Variants in SP1 observed in about 807,000 individuals in gnomAD.
SP1 encodes Sp1 transcription factor.
Under a neutral mutation model 66.3 loss-of-function variants are expected in SP1, and 6 were observed. The observed-to-expected ratio is 0.09, with a 90% CI of 0.05 to 0.18. The LOEUF is 0.18. Among genes scored for constraint, SP1 ranks in the 10% least tolerant of loss-of-function variants. The pLI is 1.00. For missense variants in SP1, 848 were observed against 964.5 expected, an observed-to-expected ratio of 0.88 and a Z score of 1.60; for synonymous variants, 417 against 360.8, an observed-to-expected ratio of 1.16 and a Z score of -1.77.
chr12:53,389,985 G>A (rs1938313326), intron 3 of SP1, among the ~76,000 whole-genome samples: 1 of 152,196 alleles, frequency 6.6e-6, no homozygotes, highest in Non-Finnish European at 1.5e-5. Flanking sequence ...TCTCTTAGAA[G>A]TTAAGTTGAA....
chr12:53,403,779 TA>T (rs1938665342), intron 3 of SP1, among the ~76,000 whole-genome samples: 1 of 152,088 alleles, frequency 6.6e-6, no homozygotes, highest in South Asian at 2.1e-4. Flanking sequence ...CTAATGTCTA[TA>T]ATCACAACAG....
At chr12:53,392,132 C>G (rs1938367984) in intron 3 of SP1, among the ~76,000 whole-genome samples, 1 of 152,054 alleles carries the variant, frequency 6.6e-6, no homozygotes, top group Admixed American at 6.6e-5. Context: ...ATTATGAATC[C>G]TCCTTCTCAC....
At position 53,383,041 on chromosome 12, in the gene SP1, C is replaced by G; in HGVS notation, c.1094C>G (p.Ser365Cys). Residue 365 changes from serine (S) to cysteine (C), a missense_variant, in exon 3 of 6, where the codon TCT becomes TGT. By Grantham distance (112) the Ser-to-Cys change is moderately radical (BLOSUM62 -1). This residue lies in a region of SP1 where 606 missense variants were observed against 589.9 expected (regional missense o/e 1.03). Coordinates refer to ENST00000327443, the MANE Select transcript of SP1 (RefSeq NM_138473.3). Reference protein sequence around the residue: ...TPQRVSGLQGSDALNIQQNQT... With the variant: ...TPQRVSGLQGCDALNIQQNQT... ...CAGAGGGTCAGTGGGCTACAGGGGT[C>G]TGATGCTCTGAACATCCAGCAAAAC... 8.1e-6 allele frequency: 13 copies of G among 1,614,188 alleles called. No individual in the cohort carries two copies. The highest frequency in any genetic ancestry group is 1.1e-5 in the Non-Finnish European group (13 of 1,180,030).
chr12:53,404,220 T>G (rs1244879490), intron 3 of SP1, among the ~76,000 whole-genome samples: 1 of 150,732 alleles, frequency 6.6e-6, no homozygotes, highest in South Asian at 2.1e-4. Flanking sequence ...TCTGCCACTT[T>G]ATAAGATATT....
chr12:53,382,505 G>C lies in SP1; in HGVS notation c.558G>C (p.Gln186His), dbSNP rs778830897. 19 of 1,614,070 alleles carry C rather than the reference G, an allele frequency of 1.2e-5. No individual in the cohort carries two copies. In the African/African-American group the frequency reaches 2.5e-4, roughly 22 times the overall value. ...AGTTCCAGACCGTTGATGGGCAACA[G>C]CTGCAGTTTGCTGCCACTGGGGCCC... is the stretch of plus-strand genomic sequence containing the variant. ...IPQFQTVDGQQLQFAATGAQV... is the reference protein window; with the variant it reads ...IPQFQTVDGQHLQFAATGAQV... Residue 186 changes from glutamine to histidine, a missense_variant, in exon 3 of 6, where the codon CAG (glutamine) becomes CAC (histidine). Gln to His is a conservative substitution (Grantham distance 24). This residue lies in a region of SP1 where 606 missense variants were observed against 589.9 expected (regional missense o/e 1.03). Coordinates refer to ENST00000327443, the MANE Select transcript of SP1 (RefSeq NM_138473.3).
In SP1 at chr12:53,409,375, C is replaced by A; in HGVS notation, c.1858C>A (p.Pro620Thr). Residue 620 changes from proline to threonine, a missense_variant, in exon 5 of 6, where the codon CCT becomes ACT. Around this residue, in one of 7 missense-constraint regions of SP1, gnomAD observed 18 missense variants for 19.0 expected, o/e 0.95. Coordinates refer to ENST00000327443, the MANE Select transcript of SP1 (RefSeq NM_138473.3). Reference protein sequence around the residue: ...KDSEGRGSGDPGKKKQHICHI... With the variant: ...KDSEGRGSGDTGKKKQHICHI... The stretch of plus-strand genomic sequence containing the variant: ...CCTCACTTTCAGGGGCTCGGGGGAT[C>A]CTGGCAAAAAGAAACAGCATATTTG... The A allele has an allele frequency of 6.2e-7, 1 of 1,613,642 alleles. No homozygotes were observed.
chr12:53,400,570 C>T (rs1045125644), intron 3 of SP1, among the ~76,000 whole-genome samples: 3 of 151,778 alleles, frequency 2.0e-5, no homozygotes, highest in Admixed American at 6.6e-5. Context: ...GTGATGAGTT[C>T]GAGTCTGTAT....
chr12:53,407,985 G>A (rs1299402564), intron 4 of SP1, among the ~76,000 whole-genome samples: 3 of 137,872 alleles, frequency 2.2e-5, no homozygotes, highest in African/African-American at 7.9e-5. Flanking sequence ...GGTGGCTCAC[G>A]CCTGTAATCC....
intron 3 of SP1, among the ~76,000 whole-genome samples, chr12:53,390,552 G>A (rs1938324184): frequency 6.6e-6 from 1 of 152,020 alleles, no homozygotes; most frequent in South Asian, 2.1e-4. Flanking sequence ...GCATGGCGGC[G>A]CGCACCTGTA....
chr12:53,411,254 G>C lies in SP1; in HGVS notation c.*14G>C. The C allele has an allele frequency of 6.2e-7, 1 of 1,601,220 alleles. No individual in the cohort carries two copies. The highest frequency in any genetic ancestry group is 2.2e-5 in the East Asian group (1 of 44,758). On this transcript the variant is annotated 3_prime_UTR_variant, in exon 6 of 6. Transcript: ENST00000327443. ...AATGGCTTCTGAGATCAGGCACCCG[G>C]GGCCAGAGACATATGGGCCATACCC...
intron 5 of SP1, 82 bp downstream of exon 5, chr12:53,409,643 T>C (rs755837447): frequency 3.4e-6 from 4 of 1,160,356 alleles, no homozygotes; most frequent in Non-Finnish European, 3.8e-6. Flanking sequence ...TAACTAAAAT[T>C]TCTGAGCAAC....
chr12:53,384,033 G>T (rs1469866831), intron 3 of SP1, among the ~76,000 whole-genome samples: 1 of 150,444 alleles, frequency 6.6e-6, no homozygotes, highest in Non-Finnish European at 1.5e-5. Context: ...GCAGTGGCGC[G>T]ATCTCGGCTC....
rs956684161 is a variant in SP1, at chr12:53,381,578, C to T, written c.8-81C>T. On this transcript the variant is annotated intron_variant, in intron 1 of 5. Transcript: ENST00000327443. The stretch of plus-strand genomic sequence containing the variant: ...GCCTTCCTGTTAGTCATTGCTATTT[C>T]ATCATAGCCTCCTTTTATCCTTCCT... 3.5e-5 allele frequency: 46 copies of T among 1,312,724 alleles called. No individual in the cohort carries two copies. In the East Asian group the frequency reaches 1.1e-3, roughly 32 times the overall value. 81.3% of individuals were successfully genotyped at this position (1,312,724 alleles called of 1,614,324 possible). A position where few individuals can be genotyped will look rare whatever the true frequency, so the allele number is the denominator to read the frequency against.
intron 1 of SP1, among the ~76,000 whole-genome samples, chr12:53,380,946 C>CTTTTTT (rs35296566): frequency 4.0e-4 from 40 of 100,796 alleles, no homozygotes; most frequent in Middle Eastern, 5.7e-3. Context: ...TTTTGTTTGT[C>CTTTTTT]TTTTTTTTTT....
chr12:53,397,574 T>A (rs975637483), intron 3 of SP1, among the ~76,000 whole-genome samples: 7 of 143,406 alleles, frequency 4.9e-5, no homozygotes, highest in African/African-American at 1.8e-4. Context: ...AAGCGACTCT[T>A]TTTCCTTTTT....
intron 1 of SP1, 27 bp downstream of exon 1, chr12:53,380,325 G>A: frequency 1.3e-6 from 2 of 1,532,628 alleles, no homozygotes; most frequent in Admixed American, 1.9e-5. Context: ...TCCAAGCTTA[G>A]GGGTGGGAGG....
chr12:53,409,853 C>T (rs1447655331), intron 5 of SP1, among the ~76,000 whole-genome samples: 1 of 151,746 alleles, frequency 6.6e-6, no homozygotes, highest in Non-Finnish European at 1.5e-5. Context: ...ACTAAATATA[C>T]AAAAAAATTA....
At chr12:53,392,126 T>C (rs1042202674) in intron 3 of SP1, among the ~76,000 whole-genome samples, 1 of 152,184 alleles carries the variant, frequency 6.6e-6, no homozygotes, top group Non-Finnish European at 1.5e-5. Flanking sequence ...TAATTTATTA[T>C]GAATCCTCCT....
intron 3 of SP1, among the ~76,000 whole-genome samples, chr12:53,387,011 T>C (rs1166781914): frequency 2.0e-5 from 3 of 148,572 alleles, no homozygotes; most frequent in South Asian, 2.1e-4. Context: ...AGTGCAGTGG[T>C]GCGATCTTGG....
Sources: gnomAD v4.1 joint callset for allele counts (sites outside exome capture counted in the v4.1 genomes callset) on GRCh38, gnomAD v4.1.1 for gene constraint, gnomAD v4.1.1 regional missense constraint, MANE v1.5 for transcripts, NCBI Gene and HGNC (gene_info 2026-07-23, HGNC 2026-07-21) for gene names.